The following ST6GALNAC3 variants were observed in gnomAD, a reference collection of about 807,000 sequenced individuals.
The protein encoded by ST6GALNAC3 is alpha-N-acetylgalactosaminide alpha-2,6-sialyltransferase 3.
Under a neutral mutation model 32.7 loss-of-function variants are expected in ST6GALNAC3, and 25 were observed. The observed-to-expected ratio is 0.76, with a 90% CI of 0.56 to 1.07. The LOEUF is 1.07. Ranked by LOEUF, ST6GALNAC3 falls within the 50% of genes least tolerant of loss-of-function variation. The probability of loss-of-function intolerance (pLI) is 0.00; values close to 1 mark genes in which losing one functional copy is unlikely to be tolerated. For synonymous variants in ST6GALNAC3, 129 were observed against 133.1 expected (o/e 0.97, Z 0.21); for missense variants, 355 against 382.4 (o/e 0.93, Z 0.60).
chr1:76,422,607 C>T (rs1655099693), intron 3 of ST6GALNAC3, among the ~76,000 whole-genome samples: 2 of 151,970 alleles, frequency 1.3e-5, no homozygotes, highest in Non-Finnish European at 1.5e-5. Context: ...ACACAGATTG[C>T]TGGGCTCATT....
intron 1 of ST6GALNAC3, among the ~76,000 whole-genome samples, chr1:76,204,926 G>A (rs1466785872): frequency 1.3e-5 from 2 of 152,128 alleles, no homozygotes. Flanking sequence ...AGACTTAGAT[G>A]AATTGATATA....
intron 1 of ST6GALNAC3, among the ~76,000 whole-genome samples, chr1:76,283,959 CATT>C (rs1307993228): frequency 6.6e-6 from 1 of 152,124 alleles, no homozygotes; most frequent in African/African-American, 2.4e-5. Context: ...GAACCTTTAT[CATT>C]ATGTTATTAG....
intron 1 of ST6GALNAC3, among the ~76,000 whole-genome samples, chr1:76,116,953 A>G (rs1368848652): frequency 2.0e-5 from 3 of 152,062 alleles, no homozygotes; most frequent in African/African-American, 4.8e-5. Flanking sequence ...TAAAAATAAA[A>G]TAAAGTAAAA....
chr1:76,511,345 A>T (rs1661846288), intron 3 of ST6GALNAC3, among the ~76,000 whole-genome samples: 1 of 152,084 alleles, frequency 6.6e-6, no homozygotes, highest in African/African-American at 2.4e-5. Flanking sequence ...CATCAGTTAC[A>T]ATCCAGAAAG....
intron 1 of ST6GALNAC3, among the ~76,000 whole-genome samples, chr1:76,188,475 G>A (rs1436139008): frequency 1.3e-5 from 2 of 152,120 alleles, no homozygotes; most frequent in African/African-American, 4.8e-5. Flanking sequence ...TGTTTCTAAG[G>A]GATTGTTGTA....
intron 2 of ST6GALNAC3, among the ~76,000 whole-genome samples, chr1:76,348,453 A>G (rs1648702142): frequency 6.6e-6 from 1 of 152,186 alleles, no homozygotes. Context: ...CTTCCCATTT[A>G]TTCACTCTAA....
At chr1:76,170,934 T>A (rs1026396830) in intron 1 of ST6GALNAC3, among the ~76,000 whole-genome samples, 1 of 152,210 alleles carries the variant, frequency 6.6e-6, no homozygotes, top group African/African-American at 2.4e-5. Context: ...TTTCAAACAT[T>A]CTAAAGCATA....
intron 3 of ST6GALNAC3, among the ~76,000 whole-genome samples, chr1:76,603,531 G>A (rs773478097): frequency 3.3e-5 from 5 of 152,272 alleles, no homozygotes; most frequent in Non-Finnish European, 7.4e-5. Flanking sequence ...CAAATATTTT[G>A]TTCATGGACA....
intron 2 of ST6GALNAC3, among the ~76,000 whole-genome samples, chr1:76,385,190 GCAAACATTA>G: frequency 6.6e-6 from 1 of 152,120 alleles, no homozygotes; most frequent in East Asian, 1.9e-4. Flanking sequence ...AGAAAGATGG[GCAAACATTA>G]CAAACAGAAG....
intron 3 of ST6GALNAC3, among the ~76,000 whole-genome samples, chr1:76,519,036 G>C (rs1028149967): frequency 2.4e-4 from 36 of 151,996 alleles, no homozygotes; most frequent in Non-Finnish European, 5.9e-5. Flanking sequence ...ACGAAACTCT[G>C]TCTGGAAAAA....
At chr1:76,171,490 A>G (rs1652491954) in intron 1 of ST6GALNAC3, among the ~76,000 whole-genome samples, 1 of 151,612 alleles carries the variant, frequency 6.6e-6, no homozygotes, top group African/African-American at 2.4e-5. Context: ...AAATCAATGA[A>G]TCCAGGAGCT....
At chr1:76,598,315 GT>G (rs1352966419) in intron 3 of ST6GALNAC3, among the ~76,000 whole-genome samples, 1 of 152,110 alleles carries the variant, frequency 6.6e-6, no homozygotes, top group Non-Finnish European at 1.5e-5. Context: ...AACCAAGATG[GT>G]GAATTCTTCC....
intron 2 of ST6GALNAC3, among the ~76,000 whole-genome samples, chr1:76,389,853 A>G (rs756536050): frequency 2.3e-4 from 35 of 152,346 alleles, no homozygotes; most frequent in Middle Eastern, 3.4e-3. Flanking sequence ...CCAAGTGCCA[A>G]ACATCCTAAT....
intron 2 of ST6GALNAC3, among the ~76,000 whole-genome samples, chr1:76,399,713 A>G (rs978909173): frequency 1.3e-5 from 2 of 152,142 alleles, no homozygotes; most frequent in African/African-American, 2.4e-5. Context: ...TATTCCATGT[A>G]TATGTTATGT....
intron 1 of ST6GALNAC3, among the ~76,000 whole-genome samples, chr1:76,208,498 G>A (rs1378080360): frequency 1.3e-5 from 2 of 152,156 alleles, no homozygotes; most frequent in Non-Finnish European, 2.9e-5. Flanking sequence ...CTGTCTTCTG[G>A]AGTTGGACTT....
intron 1 of ST6GALNAC3, among the ~76,000 whole-genome samples, chr1:76,306,486 A>G (rs1413401379): frequency 2.0e-5 from 3 of 152,158 alleles, no homozygotes; most frequent in African/African-American, 7.2e-5. Context: ...TTTAGAGCAC[A>G]TGTCAGTATG....
At chr1:76,188,091 C>T (rs1343685907) in intron 1 of ST6GALNAC3, among the ~76,000 whole-genome samples, 3 of 152,132 alleles carry the variant, frequency 2.0e-5, no homozygotes, top group Admixed American at 6.5e-5. Context: ...GGGCCAGGCG[C>T]GGTGGCTCAC....
intron 2 of ST6GALNAC3, among the ~76,000 whole-genome samples, chr1:76,356,437 A>AAC (rs754928212): frequency 6.6e-6 from 1 of 150,984 alleles, no homozygotes; most frequent in Non-Finnish European, 1.5e-5. Flanking sequence ...GTAGGGTTAA[A>AAC]AAAAAAAAAA....
chr1:76,560,031 C>T (rs917116554), intron 3 of ST6GALNAC3, among the ~76,000 whole-genome samples: 36 of 152,094 alleles, frequency 2.4e-4, no homozygotes, highest in Non-Finnish European at 2.2e-4. Flanking sequence ...CAAATCCATG[C>T]ACCTAAAGTG....
Sources: allele counts gnomAD v4.1 joint callset (sites outside exome capture counted in the v4.1 genomes callset), GRCh38; gene constraint gnomAD v4.1.1; transcripts MANE v1.5; gene names NCBI Gene and HGNC (gene_info 2026-07-23, HGNC 2026-07-21).